RBFOX1: variants seen among roughly 807,000 people sequenced by gnomAD.
The protein encoded by RBFOX1 is RNA binding protein fox-1 homolog 1.
Under a neutral mutation model 57.7 loss-of-function variants are expected in RBFOX1, and 8 were observed. The ratio of observed to expected loss-of-function variants is 0.14; its 90% confidence interval spans 0.08 to 0.25. The LOEUF (loss-of-function observed/expected upper bound fraction) is 0.25. Ranked by LOEUF, RBFOX1 falls within the 10% of genes least tolerant of loss-of-function variation. The pLI is 1.00. For synonymous variants in RBFOX1, 326 were observed against 222.4 expected, an observed-to-expected ratio of 1.47 and a Z score of -4.15; for missense variants, 611 against 548.5, an observed-to-expected ratio of 1.11 and a Z score of -1.14.
At chr16:5,782,311 A>T (rs144196194) in intron 3 of RBFOX1, among the ~76,000 whole-genome samples, 51 of 152,340 alleles carry the variant, frequency 3.3e-4, no homozygotes, top group Non-Finnish European at 6.5e-4. Flanking sequence ...TCACAATGAC[A>T]TCTTGGTGCT....
At chr16:7,452,693 C>G (rs919764069) in intron 4 of RBFOX1, among the ~76,000 whole-genome samples, 1 of 152,292 alleles carries the variant, frequency 6.6e-6, no homozygotes, top group East Asian at 1.9e-4. Flanking sequence ...TTAGGCTACA[C>G]TGCTTAAAAC....
At chr16:6,511,968 C>A (rs543473802) in intron 2 of RBFOX1, among the ~76,000 whole-genome samples, 2 of 152,014 alleles carry the variant, frequency 1.3e-5, no homozygotes, top group East Asian at 3.9e-4. Context: ...TGAGACTTAC[C>A]CCTACAGGGA....
intron 1 of RBFOX1, among the ~76,000 whole-genome samples, chr16:5,310,400 CA>C (rs200809503): frequency 2.2e-4 from 32 of 143,242 alleles, no homozygotes; most frequent in South Asian, 1.3e-3. Context: ...GACTCTGTCT[CA>C]AAAAAAAAAA....
At chr16:6,890,013 A>G (rs911708657) in intron 3 of RBFOX1, among the ~76,000 whole-genome samples, 3 of 152,230 alleles carry the variant, frequency 2.0e-5, no homozygotes, top group African/African-American at 7.2e-5. Flanking sequence ...CTTACCATTT[A>G]TGGTTAATAA....
chr16:7,454,980 C>T (rs2058205407), intron 4 of RBFOX1, among the ~76,000 whole-genome samples: 1 of 152,166 alleles, frequency 6.6e-6, no homozygotes, highest in Non-Finnish European at 1.5e-5. Context: ...ATAATAAAGC[C>T]CATTTTTTAT....
At chr16:7,177,768 C>T (rs979007574) in intron 4 of RBFOX1, among the ~76,000 whole-genome samples, 2 of 152,196 alleles carry the variant, frequency 1.3e-5, no homozygotes, top group African/African-American at 4.8e-5. Context: ...TCCGCTGCAA[C>T]TCCTCAACTC....
At chr16:5,777,788 G>A (rs762766496) in intron 3 of RBFOX1, among the ~76,000 whole-genome samples, 27 of 152,128 alleles carry the variant, frequency 1.8e-4, no homozygotes, top group Non-Finnish European at 3.1e-4. Context: ...ATTTGGCACA[G>A]GAGTAATACC....
chr16:6,267,350 G>T (rs2074639219), intron 1 of RBFOX1, among the ~76,000 whole-genome samples: 1 of 152,154 alleles, frequency 6.6e-6, no homozygotes, highest in Non-Finnish European at 1.5e-5. Flanking sequence ...TGATTTGTTT[G>T]ACCTCTCCTG....
chr16:7,602,751 C>G (rs971051561), intron 9 of RBFOX1, among the ~76,000 whole-genome samples: 2 of 152,182 alleles, frequency 1.3e-5, no homozygotes, highest in African/African-American at 4.8e-5. Flanking sequence ...CAGACATTTA[C>G]AGAATACCTT....
intron 11 of RBFOX1, among the ~76,000 whole-genome samples, chr16:7,645,996 T>G (rs569133685): frequency 1.3e-5 from 2 of 151,292 alleles, no homozygotes; most frequent in African/African-American, 4.8e-5. Context: ...TGGATTTTTT[T>G]AAAAAAAGAA....
At position 7,034,254 on chromosome 16, in the gene RBFOX1, C is replaced by G. The variant is rs567581803; in HGVS notation, c.-15-17803C>G. On this transcript the variant is annotated intron_variant, in intron 3 of 15. Coordinates refer to ENST00000550418, the MANE Select transcript of RBFOX1 (RefSeq NM_018723.4). ...CTCCATCTCAGTGCTCTCATCTGTT[C>G]AAGGGGATAATGATAATGACAGTAT... Among the ~76,000 whole-genome samples, 3 of 152,220 alleles carry G rather than the reference C, an allele frequency of 2.0e-5. No homozygotes were observed. In the East Asian group the frequency reaches 5.8e-4, roughly 29 times the overall value.
At chr16:6,534,376 AAATTGGCCT>A (rs1291529612) in intron 2 of RBFOX1, among the ~76,000 whole-genome samples, 4 of 152,074 alleles carry the variant, frequency 2.6e-5, no homozygotes, top group African/African-American at 7.2e-5. Context: ...CGAACAGGAG[AAATTGGCCT>A]ATGGGGATGG....
At chr16:6,257,888 C>A (rs945542197) in intron 1 of RBFOX1, among the ~76,000 whole-genome samples, 1 of 152,138 alleles carries the variant, frequency 6.6e-6, no homozygotes, top group Admixed American at 6.5e-5. Flanking sequence ...TGAACATACA[C>A]ATGGATGTGT....
chr16:7,674,642 G>A (rs552456258), intron 13 of RBFOX1, among the ~76,000 whole-genome samples: 3 of 152,188 alleles, frequency 2.0e-5, no homozygotes, highest in African/African-American at 7.2e-5. Flanking sequence ...CACATTTTCT[G>A]TAACTGGCCA....
intron 2 of RBFOX1, among the ~76,000 whole-genome samples, chr16:6,651,847 A>T (rs2098598871): frequency 6.6e-6 from 1 of 152,200 alleles, no homozygotes; most frequent in Non-Finnish European, 1.5e-5. Flanking sequence ...TGGATAAACC[A>T]AATGTGGTCT....
intron 2 of RBFOX1, among the ~76,000 whole-genome samples, chr16:6,531,347 C>G (rs1183567422): frequency 6.6e-6 from 1 of 152,088 alleles, no homozygotes; most frequent in East Asian, 1.9e-4. Context: ...GGACTCATGG[C>G]TTTGTGGGTG....
At chr16:6,910,254 G>T (rs771081920) in intron 3 of RBFOX1, among the ~76,000 whole-genome samples, 19 of 152,090 alleles carry the variant, frequency 1.2e-4, no homozygotes, top group Non-Finnish European at 2.6e-4. Context: ...TTGCAGTTCA[G>T]GCATTTTCTC....
intron 1 of RBFOX1, among the ~76,000 whole-genome samples, chr16:5,404,414 G>A (rs551704588): frequency 2.6e-5 from 4 of 152,232 alleles, no homozygotes; most frequent in East Asian, 1.9e-4. Context: ...TGTCTTTGAT[G>A]TCTTCAAATC....
At chr16:7,399,500 G>T (rs1294836252) in intron 4 of RBFOX1, among the ~76,000 whole-genome samples, 1 of 152,120 alleles carries the variant, frequency 6.6e-6, no homozygotes, top group African/African-American at 2.4e-5. Context: ...AATGTCAGCA[G>T]ATTGGCTCCT....
Sources: allele counts gnomAD v4.1 joint callset (sites outside exome capture counted in the v4.1 genomes callset), GRCh38; gene constraint gnomAD v4.1.1; transcripts MANE v1.5; gene names NCBI Gene and HGNC (gene_info 2026-07-23, HGNC 2026-07-21).